Variants in RAB11FIP5 observed in about 807,000 individuals in gnomAD.
RAB11FIP5 encodes RAB11 family interacting protein 5.
A neutral mutation model predicts 85.1 loss-of-function variants in RAB11FIP5; 48 were observed. That is an observed-to-expected ratio of 0.56 (90% confidence interval 0.45 to 0.72). The LOEUF (loss-of-function observed/expected upper bound fraction) is 0.72. Among genes scored for constraint, RAB11FIP5 ranks in the 30% least tolerant of loss-of-function variants. The pLI, the probability that RAB11FIP5 is intolerant of heterozygous loss-of-function variation, is 0.00. For missense variants in RAB11FIP5, 1,491 were observed against 1,687.0 expected (o/e 0.88, Z 2.04); for synonymous variants, 729 against 727.3 (o/e 1.00, Z -0.04).
At chr2:73,084,388 G>C (rs930912313) in intron 3 of RAB11FIP5, 1 of 152,162 alleles carries the variant, frequency 6.6e-6, no homozygotes, top group Admixed American at 6.5e-5. Flanking sequence ...GTCATGCTCT[G>C]AGAACAAATA....
At position 73,088,967 on chromosome 2, in the gene RAB11FIP5, T is replaced by TGAGGACAGGGTGCTGTCC; in HGVS notation, c.762_779dup (p.Asp255_Ser260dup). 6.2e-7 allele frequency: 1 copy of TGAGGACAGGGTGCTGTCC among 1,613,918 alleles called. No individual in the cohort carries two copies. The highest frequency in any genetic ancestry group is 1.1e-5 in the South Asian group (1 of 91,062). The stretch of plus-strand genomic sequence containing the variant: ...CCTGGTAGGCCAAGCTCCCGCTGGC[T>TGAGGACAGGGTGCTGTCC]GAGGACAGGGTGCTGTCCGAGCCCA... On this transcript the variant is annotated inframe_insertion, in exon 2 of 6. Transcript: ENST00000486777.
intron 4 of RAB11FIP5, 47 bp downstream of exon 4, chr2:73,079,603 CT>C (rs1683927927): frequency 2.4e-6 from 3 of 1,232,430 alleles, no homozygotes; most frequent in Admixed American, 4.2e-5. Flanking sequence ...GTTCTGCCCC[CT>C]GTCCACCCCC....
chr2:73,077,800 A>T (rs1424281335), intron 4 of RAB11FIP5, among the ~76,000 whole-genome samples: 2 of 152,142 alleles, frequency 1.3e-5, no homozygotes, highest in Non-Finnish European at 2.9e-5. Context: ...CATAAACTAT[A>T]ACATAAACTG....
chr2:73,081,559 GC>G lies in RAB11FIP5; in HGVS notation c.1672del (p.Ala558LeufsTer4). On this transcript the variant is annotated frameshift_variant, in exon 4 of 6. Coordinates refer to ENST00000486777, the MANE Select transcript of RAB11FIP5 (RefSeq NM_001371272.1). LOFTEE classifies it high-confidence loss of function. The surrounding 1 kb of genome is among the most constrained non-coding windows in gnomAD (Gnocchi z 4.2). Reference protein sequence around the residue: ...PAPPTPAPTAAPMLSTNLFAA... With the variant: ...PAPPTPAPTAXPMLSTNLFAA... ...AAAAAGGTTAGTGCTTAGCATGGGA[GC>G]AGCAGTGGGAGCAGGAGTGGGAGGG... 1 of 1,206,620 alleles carries G rather than the reference GC, an allele frequency of 8.3e-7. No individual in the cohort carries two copies. The highest frequency in any genetic ancestry group is 1.0e-6 in the Non-Finnish European group (1 of 964,534). The allele number at this position is 1,206,620 out of a possible 1,614,324, so 74.7% of individuals were successfully genotyped here.
In RAB11FIP5 at chr2:73,075,914, C is replaced by G; in HGVS notation, c.3771+79G>C. The G allele has an allele frequency of 3.3e-6, 5 of 1,528,488 alleles. No homozygotes were observed. Among genetic ancestry groups the G allele is most frequent in the Non-Finnish European group, 4.4e-6 (5 of 1,124,548 alleles). 94.7% of individuals were successfully genotyped at this position (1,528,488 alleles called of 1,614,324 possible). On this transcript the variant is annotated intron_variant, in intron 5 of 5. Transcript: ENST00000486777. The surrounding 1 kb of genome is among the most constrained non-coding windows in gnomAD (Gnocchi z 4.6). ...TATGGGGGACCTGGCCTGCTCCCTG[C>G]CCCACCCTCACCAGGACCAAGCCCT...
Position 73,075,978 on chromosome 2 carries a change from C to CCTG in RAB11FIP5, c.3771+12_3771+14dup, listed in dbSNP as rs1162123523. 6.2e-7 allele frequency: 1 copy of CCTG among 1,603,780 alleles called. No individual in the cohort carries two copies. The stretch of plus-strand genomic sequence containing the variant: ...ACATTCTGTCAGATGGCCCCCACAC[C>CCTG]CTGCTGGGCCTTACCTTCAGCCTTT... On this transcript the variant is annotated intron_variant, in intron 5 of 5. Transcript: ENST00000486777. This position sits in a 1 kb window ranked among gnomAD's most constrained non-coding sequence, Gnocchi z 4.6.
chr2:73,090,496 C>G (rs371747606), intron 1 of RAB11FIP5, among the ~76,000 whole-genome samples: 1 of 152,166 alleles, frequency 6.6e-6, no homozygotes, highest in African/African-American at 2.4e-5. Context: ...TGGAAGCTGC[C>G]AAGGTGTCCT....
chr2:73,080,209 GA>G lies in RAB11FIP5; in HGVS notation c.3022del (p.Ser1008GlnfsTer32). 1 of 1,232,348 alleles carries G rather than the reference GA, an allele frequency of 8.1e-7. No individual in the cohort carries two copies. Among genetic ancestry groups the G allele is most frequent in the Non-Finnish European group, 1.0e-6 (1 of 988,150 alleles). The allele number at this position is 1,232,348 out of a possible 1,614,324, so 76.3% of individuals were successfully genotyped here. On this transcript the variant is annotated frameshift_variant, in exon 4 of 6. Transcript: ENST00000486777. LOFTEE classifies it high-confidence loss of function. Reference sequence around the variant, plus strand: ...CTGACTCTGAAGAGCCAAGCTCTTTGAGTGACAGGGTATGGGGGCAGGACCC... The same window carrying G: ...CTGACTCTGAAGAGCCAAGCTCTTTGGTGACAGGGTATGGGGGCAGGACCC... ...PEGPAPIPCH[S>X]KSLALQSQHI...
In RAB11FIP5 at chr2:73,080,984, G is replaced by A. The variant is rs1406744946; in HGVS notation, c.2248C>T (p.Leu750=). Residue 750 remains leucine, a synonymous_variant, in exon 4 of 6, where the codon CTG becomes TTG. Coordinates refer to ENST00000486777, the MANE Select transcript of RAB11FIP5 (RefSeq NM_001371272.1). ...TGTAGCTGGGCTGACGAGGAGGGCAGGCCAGCCCCTACCGACCCGAGGAGC... is the reference window on the plus strand; with the variant it reads ...TGTAGCTGGGCTGACGAGGAGGGCAAGCCAGCCCCTACCGACCCGAGGAGC... ...PGLLGSVGAG[L]PSSSAQLQLR... 6.5e-6 allele frequency: 8 copies of A among 1,232,254 alleles called. No homozygotes were observed. The highest frequency in any genetic ancestry group is 8.1e-6 in the Non-Finnish European group (8 of 988,124). The allele number at this position is 1,232,254 out of a possible 1,614,324, so 76.3% of individuals were successfully genotyped here.
At chr2:73,076,478 G>A (rs1382328442) in intron 4 of RAB11FIP5, among the ~76,000 whole-genome samples, 1 of 152,136 alleles carries the variant, frequency 6.6e-6, no homozygotes, top group Non-Finnish European at 1.5e-5. Context: ...AGACTCCTGT[G>A]CACCTGCACC....
At position 73,088,982 on chromosome 2, in the gene RAB11FIP5, G is replaced by A. The variant is rs766409927; in HGVS notation, c.765C>T (p.Asp255=). ...TCCCGCTGGCTGAGGACAGGGTGCT[G>A]TCCGAGCCCAGCGAGGTGTTGGACT... is the stretch of plus-strand genomic sequence containing the variant. ...LTQSNTSLGS[D]STLSSASGSL... The change falls in exon 2 of 6, where the codon GAC becomes GAT. Residue 255 remains aspartate, a synonymous_variant. Transcript: ENST00000486777. 1.1e-5 allele frequency: 18 copies of A among 1,614,200 alleles called. No homozygotes were observed. The highest frequency in any genetic ancestry group is 1.4e-5 in the Non-Finnish European group (16 of 1,180,034).
intron 1 of RAB11FIP5, among the ~76,000 whole-genome samples, chr2:73,091,665 T>C (rs567696861): frequency 6.6e-6 from 1 of 152,236 alleles, no homozygotes; most frequent in East Asian, 1.9e-4. Flanking sequence ...GTAGTGGTGG[T>C]AGTATTTTGA....
chr2:73,112,914 G>A lies in RAB11FIP5; in HGVS notation c.-137C>T. The A allele has an allele frequency of 1.3e-6, 1 of 793,172 alleles. No homozygotes were observed. The highest frequency in any genetic ancestry group is 1.7e-6 in the Non-Finnish European group (1 of 599,414). The allele number at this position is 793,172 out of a possible 1,614,324, so 49.1% of individuals were successfully genotyped here. On this transcript the variant is annotated 5_prime_UTR_variant, in exon 1 of 6. Coordinates refer to ENST00000486777, the MANE Select transcript of RAB11FIP5 (RefSeq NM_001371272.1). ...GCTGCGGGCTGGGCTGGGCCGGGCC[G>A]ACCGGCCGCCGCCTCCCCGCCTCAC... is the stretch of plus-strand genomic sequence containing the variant.
rs890134551 is a variant in RAB11FIP5, at chr2:73,079,731, G to T, written c.3501C>A (p.Leu1167=). The change falls in exon 4 of 6, where the codon CTC becomes CTA. Residue 1167 remains leucine (L), a synonymous_variant. Coordinates refer to ENST00000486777, the MANE Select transcript of RAB11FIP5 (RefSeq NM_001371272.1). ...GGSPALLRED[L]AAATPASPLV... The stretch of plus-strand genomic sequence containing the variant: ...GCGGGGAGGCTGGGGTGGCTGCAGC[G>T]AGGTCCTCCCTAAGTAGGGCAGGGG... The T allele has an allele frequency of 8.1e-7, 1 of 1,233,126 alleles. No homozygotes were observed. The allele number at this position is 1,233,126 out of a possible 1,614,324, so 76.4% of individuals were successfully genotyped here.
intron 1 of RAB11FIP5, among the ~76,000 whole-genome samples, chr2:73,091,968 G>A (rs1374874573): frequency 1.5e-5 from 2 of 135,818 alleles, no homozygotes; most frequent in Admixed American, 6.9e-5. Context: ...GCAGAAGTGA[G>A]GGGAGGAGAG....
At chr2:73,098,326 G>A (rs1684363021) in intron 1 of RAB11FIP5, among the ~76,000 whole-genome samples, 1 of 152,098 alleles carries the variant, frequency 6.6e-6, no homozygotes, top group Middle Eastern at 3.2e-3. Flanking sequence ...TTTATATCAG[G>A]GATGCTCAAC....
chr2:73,087,990 A>G (rs1559234822), intron 3 of RAB11FIP5, 60 bp downstream of exon 3: 2 of 1,479,500 alleles, frequency 1.4e-6, no homozygotes, highest in Non-Finnish European at 1.8e-6. Flanking sequence ...CCCAGGGTCC[A>G]GGCAGCACAC....
chr2:73,084,839 G>A (rs1684062806), intron 3 of RAB11FIP5, among the ~76,000 whole-genome samples: 1 of 152,204 alleles, frequency 6.6e-6, no homozygotes, highest in African/African-American at 2.4e-5. Flanking sequence ...AGCCTTGGAG[G>A]CACGTTCATC....
At chr2:73,101,285 T>C (rs139509047) in intron 1 of RAB11FIP5, among the ~76,000 whole-genome samples, 2 of 151,606 alleles carry the variant, frequency 1.3e-5, no homozygotes, top group Non-Finnish European at 2.9e-5. Context: ...CACCAGGTGA[T>C]AGCATGAAAC....
Sources: gnomAD v4.1 joint callset for allele counts (sites outside exome capture counted in the v4.1 genomes callset) on GRCh38, gnomAD v4.1.1 for gene constraint, Gnocchi (gnomAD v3.1) non-coding constraint, MANE v1.5 for transcripts, NCBI Gene and HGNC (gene_info 2026-07-23, HGNC 2026-07-21) for gene names.